The following MAMDC2 variants were observed in gnomAD, a reference collection of about 807,000 sequenced individuals.
The protein encoded by MAMDC2 is MAM domain-containing protein 2.
In MAMDC2, 57 loss-of-function variants were observed where a neutral mutation model predicts 89.8. The observed-to-expected ratio is 0.63, with a 90% CI of 0.51 to 0.79. The LOEUF (loss-of-function observed/expected upper bound fraction) is 0.79, where lower values mean the gene tolerates loss of function less well. MAMDC2 is among the 30% of genes least tolerant of loss of function. The probability of loss-of-function intolerance (pLI) is 0.00; values close to 1 mark genes in which losing one functional copy is unlikely to be tolerated. For synonymous variants in MAMDC2, 313 were observed against 293.4 expected (o/e 1.07, Z -0.68); for missense variants, 800 against 820.6 (o/e 0.97, Z 0.31).
intron 7 of MAMDC2, among the ~76,000 whole-genome samples, chr9:70,134,051 A>C (rs2030911401): frequency 6.6e-6 from 1 of 152,166 alleles, no homozygotes; most frequent in African/African-American, 2.4e-5. Context: ...ACAGGTGCCA[A>C]CATTTTTTCC....
intron 9 of MAMDC2, among the ~76,000 whole-genome samples, chr9:70,145,097 A>G (rs374430045): frequency 5.3e-5 from 8 of 152,366 alleles, no homozygotes; most frequent in African/African-American, 1.9e-4. Context: ...ACTGATTTCT[A>G]ATACCTCTAG....
chr9:70,152,034 G>A (rs946468337), intron 9 of MAMDC2, among the ~76,000 whole-genome samples: 5 of 152,092 alleles, frequency 3.3e-5, no homozygotes, highest in Admixed American at 2.0e-4. Flanking sequence ...GCAGCAGCCC[G>A]CACAGAACTG....
At chr9:70,103,421 C>T (rs1172591688) in intron 2 of MAMDC2, among the ~76,000 whole-genome samples, 1 of 151,858 alleles carries the variant, frequency 6.6e-6, no homozygotes, top group Non-Finnish European at 1.5e-5. Flanking sequence ...TTGAGAAGTC[C>T]AGAAATAAAC....
At chr9:70,136,771 G>A (rs996137938) in intron 7 of MAMDC2, among the ~76,000 whole-genome samples, 5 of 152,096 alleles carry the variant, frequency 3.3e-5, no homozygotes, top group Non-Finnish European at 5.9e-5. Flanking sequence ...ATTTTTATTT[G>A]TTTTTTTATT....
intron 9 of MAMDC2, 146 bp downstream of exon 9, chr9:70,143,965 C>T (rs369618199): frequency 1.1e-6 from 1 of 905,494 alleles, no homozygotes. Flanking sequence ...CTCCCAGCCA[C>T]ATACAGGTTA....
intron 4 of MAMDC2, among the ~76,000 whole-genome samples, chr9:70,112,206 A>C (rs1332892473): frequency 6.6e-6 from 1 of 152,184 alleles, no homozygotes; most frequent in Non-Finnish European, 1.5e-5. Context: ...TGTGATTATA[A>C]GGGTCAATGG....
At chr9:70,099,945 C>T (rs769450102) in intron 2 of MAMDC2, among the ~76,000 whole-genome samples, 3 of 145,096 alleles carry the variant, frequency 2.1e-5, no homozygotes, top group East Asian at 4.3e-4. Context: ...ACTGCACTCC[C>T]GTCTGGGTGA....
intron 2 of MAMDC2, among the ~76,000 whole-genome samples, chr9:70,105,387 T>C (rs1458996456): frequency 6.6e-6 from 1 of 152,018 alleles, no homozygotes; most frequent in African/African-American, 2.4e-5. Flanking sequence ...ATTTAGAAAA[T>C]TAGTCTTGAA....
intron 2 of MAMDC2, among the ~76,000 whole-genome samples, chr9:70,078,658 A>G (rs745478498): frequency 6.6e-6 from 1 of 152,208 alleles, no homozygotes; most frequent in Non-Finnish European, 1.5e-5. Context: ...CTATCTGGGC[A>G]ATAGCAAGCA....
intron 2 of MAMDC2, among the ~76,000 whole-genome samples, chr9:70,107,728 A>G (rs766061075): frequency 5.9e-5 from 9 of 152,220 alleles, no homozygotes; most frequent in Non-Finnish European, 1.2e-4. Flanking sequence ...AGATTGAAAC[A>G]TTAGGTAATG....
rs747142687 is a variant in MAMDC2 at position 70,044,556 on chromosome 9, C to T, written c.35-28C>T. On this transcript the variant is annotated intron_variant, in intron 1 of 13. Coordinates refer to ENST00000377182, the MANE Select transcript of MAMDC2 (RefSeq NM_153267.5). ...GGTGCAAAGGCTCCTGGGTGGAGCTCGAACTGAAACTCGCTTTGTGCCCGC... is the reference window on the plus strand; with the variant it reads ...GGTGCAAAGGCTCCTGGGTGGAGCTTGAACTGAAACTCGCTTTGTGCCCGC... The T allele has an allele frequency of 4.3e-5, 66 of 1,531,398 alleles. 2 individuals carry two copies. The Middle Eastern group carries it at 8.8e-4, about 20-fold the overall frequency. 94.9% of individuals were successfully genotyped at this position (1,531,398 alleles called of 1,614,324 possible). A position where few individuals can be genotyped will look rare whatever the true frequency, so the allele number is the denominator to read the frequency against.
chr9:70,055,083 T>C (rs1366787102), intron 2 of MAMDC2, among the ~76,000 whole-genome samples: 3 of 152,080 alleles, frequency 2.0e-5, no homozygotes, highest in Non-Finnish European at 4.4e-5. Context: ...AAACAAGTCT[T>C]TTATAAGCTG....
intron 12 of MAMDC2, among the ~76,000 whole-genome samples, chr9:70,225,047 T>C (rs868569643): frequency 2.6e-5 from 4 of 152,194 alleles, no homozygotes; most frequent in Non-Finnish European, 4.4e-5. Context: ...CAACTTTCAT[T>C]ACCCATGGGC....
intron 2 of MAMDC2, among the ~76,000 whole-genome samples, chr9:70,099,454 C>A (rs1028365023): frequency 1.3e-5 from 2 of 152,138 alleles, no homozygotes; most frequent in Non-Finnish European, 2.9e-5. Flanking sequence ...ACAGAGGCAT[C>A]TTCTCTCCAC....
At chr9:70,068,921 T>C (rs577561323) in intron 2 of MAMDC2, among the ~76,000 whole-genome samples, 1 of 152,120 alleles carries the variant, frequency 6.6e-6, no homozygotes, top group Non-Finnish European at 1.5e-5. Context: ...TGAATGGGTA[T>C]GATTTAAAAG....
intron 2 of MAMDC2, among the ~76,000 whole-genome samples, chr9:70,095,085 A>C (rs1228644211): frequency 6.6e-6 from 1 of 152,186 alleles, no homozygotes; most frequent in Non-Finnish European, 1.5e-5. Context: ...AGGAAACAGC[A>C]TGTGGGAAGG....
chr9:70,063,252 CAAAAG>C (rs1193541886), intron 2 of MAMDC2: 4 of 151,646 alleles, frequency 2.6e-5, no homozygotes, highest in African/African-American at 4.8e-5. Context: ...GACTCTGTCT[CAAAAG>C]AAAAAAAATA....
chr9:70,137,551 C>G (rs993705079), intron 7 of MAMDC2, among the ~76,000 whole-genome samples: 5 of 152,114 alleles, frequency 3.3e-5, no homozygotes, highest in African/African-American at 1.2e-4. Context: ...GATTGTCATG[C>G]CTCTTTCATC....
intron 9 of MAMDC2, among the ~76,000 whole-genome samples, chr9:70,154,772 A>G (rs952041571): frequency 1.3e-5 from 2 of 152,016 alleles, no homozygotes; most frequent in Admixed American, 1.3e-4. Context: ...TCAGCCTCCC[A>G]AAGTGCTGGG....
Sources: allele counts gnomAD v4.1 joint callset (sites outside exome capture counted in the v4.1 genomes callset), GRCh38; gene constraint gnomAD v4.1.1; transcripts MANE v1.5; gene names NCBI Gene and HGNC (gene_info 2026-07-23, HGNC 2026-07-21).